The following GPC5 variants were observed in gnomAD, a reference collection of about 807,000 sequenced individuals.
The protein encoded by GPC5 is glypican-5.
In GPC5, 47 loss-of-function variants were observed where a neutral mutation model predicts 53.9. The ratio of observed to expected loss-of-function variants is 0.87; its 90% confidence interval spans 0.69 to 1.11. The LOEUF (loss-of-function observed/expected upper bound fraction) is 1.11, where lower values mean the gene tolerates loss of function less well. Among genes scored for constraint, GPC5 ranks in the 50% most tolerant of loss-of-function variants. The pLI is 0.00. For missense variants in GPC5, 748 were observed against 713.1 expected, an observed-to-expected ratio of 1.05 and a Z score of -0.56; for synonymous variants, 286 against 263.3, an observed-to-expected ratio of 1.09 and a Z score of -0.84.
At chr13:92,533,421 A>T (rs1881625406) in intron 7 of GPC5, among the ~76,000 whole-genome samples, 1 of 152,188 alleles carries the variant, frequency 6.6e-6, no homozygotes, top group South Asian at 2.1e-4. Context: ...ATTTCTTTAT[A>T]ATGGGAATAT....
chr13:91,903,490 G>A (rs2039520342), intron 5 of GPC5, among the ~76,000 whole-genome samples: 1 of 152,104 alleles, frequency 6.6e-6, no homozygotes, highest in Non-Finnish European at 1.5e-5. Context: ...GAGAGTTCCA[G>A]TTGCTCCACA....
intron 6 of GPC5, among the ~76,000 whole-genome samples, chr13:92,087,880 A>G (rs1402816823): frequency 1.4e-4 from 21 of 151,972 alleles, no homozygotes; most frequent in Non-Finnish European, 2.6e-4. Context: ...CCAGTGGGCC[A>G]TTTTATCTTC....
chr13:91,682,665 A>G (rs1010429810), intron 2 of GPC5, among the ~76,000 whole-genome samples: 1 of 152,228 alleles, frequency 6.6e-6, no homozygotes. Flanking sequence ...CAGGAAAGGC[A>G]GGAGGGTACA....
intron 6 of GPC5, among the ~76,000 whole-genome samples, chr13:91,974,526 C>T (rs891067799): frequency 1.6e-4 from 24 of 151,854 alleles, no homozygotes; most frequent in African/African-American, 5.6e-4. Context: ...ACAATTGCTT[C>T]AAAGAGAATA....
At chr13:92,487,524 CCTT>C (rs1247596017) in intron 7 of GPC5, among the ~76,000 whole-genome samples, 3 of 152,072 alleles carry the variant, frequency 2.0e-5, no homozygotes, top group Admixed American at 6.6e-5. Flanking sequence ...CAGATTGACT[CCTT>C]CTCCTACAAA....
chr13:91,602,472 A>C (rs186713152), intron 2 of GPC5, among the ~76,000 whole-genome samples: 18 of 152,340 alleles, frequency 1.2e-4, no homozygotes, highest in Admixed American at 1.0e-3. Flanking sequence ...TTGTACACCC[A>C]GATATTTATT....
At chr13:92,200,974 GACACACACAC>G (rs66619017) in intron 7 of GPC5, among the ~76,000 whole-genome samples, 80,788 of 146,844 alleles carry the variant, frequency 0.55, 21,867 homozygotes, top group Middle Eastern at 0.67. Flanking sequence ...CAGGCACTCA[GACACACACAC>G]ACACACACAC....
rs148474240 is a variant in GPC5, at chr13:91,407,715, C to T, written c.163+8506C>T. Among the ~76,000 whole-genome samples, 18 of 152,228 alleles carry T rather than the reference C, an allele frequency of 1.2e-4. No individual in the cohort carries two copies. The East Asian group carries it at 3.5e-3, about 29-fold the overall frequency. On this transcript the variant is annotated intron_variant, in intron 1 of 7. Coordinates refer to ENST00000377067, the MANE Select transcript of GPC5 (RefSeq NM_004466.6). ...TCTGTGGAACTATTCCTGAGCTGATCATTGTTTGTTAAAGGACACTGACTT... is the reference window on the plus strand; with the variant it reads ...TCTGTGGAACTATTCCTGAGCTGATTATTGTTTGTTAAAGGACACTGACTT...
chr13:92,548,198 G>T (rs1413988055), intron 7 of GPC5, among the ~76,000 whole-genome samples: 1 of 151,782 alleles, frequency 6.6e-6, no homozygotes, highest in Non-Finnish European at 1.5e-5. Context: ...AAACTTCTAT[G>T]TTCAGGCAAA....
intron 2 of GPC5, among the ~76,000 whole-genome samples, chr13:91,566,997 A>C (rs1383920380): frequency 6.6e-6 from 1 of 151,654 alleles, no homozygotes; most frequent in African/African-American, 2.4e-5. Context: ...GGGAAAGAAA[A>C]GGCAAATGCA....
At chr13:92,250,113 G>A (rs1929184) in intron 7 of GPC5, among the ~76,000 whole-genome samples, 82,418 of 151,728 alleles carry the variant, frequency 0.54, 22,814 homozygotes, top group South Asian at 0.65. Flanking sequence ...TTGTGGTACA[G>A]CTCCATAAAC....
At chr13:91,778,146 G>C (rs1165104904) in intron 5 of GPC5, among the ~76,000 whole-genome samples, 1 of 152,094 alleles carries the variant, frequency 6.6e-6, no homozygotes, top group Admixed American at 6.5e-5. Flanking sequence ...ATTCTTAAAA[G>C]AAGAAAATGT....
At chr13:91,731,238 C>T (rs1057097942) in intron 4 of GPC5, among the ~76,000 whole-genome samples, 5 of 152,210 alleles carry the variant, frequency 3.3e-5, no homozygotes, top group African/African-American at 1.2e-4. Context: ...TATAAAGGAA[C>T]ATCTGTAATT....
At chr13:91,566,767 G>T (rs868538551) in intron 2 of GPC5, among the ~76,000 whole-genome samples, 1 of 152,056 alleles carries the variant, frequency 6.6e-6, no homozygotes, top group Admixed American at 6.6e-5. Context: ...AAAAGGAAAA[G>T]CACATCATAT....
At chr13:92,838,910 A>T (rs1878321133) in intron 7 of GPC5, among the ~76,000 whole-genome samples, 1 of 152,222 alleles carries the variant, frequency 6.6e-6, no homozygotes, top group Non-Finnish European at 1.5e-5. Context: ...AGCTGCCATG[A>T]AGCTTATACT....
At chr13:91,513,655 C>G (rs1885349619) in intron 2 of GPC5, among the ~76,000 whole-genome samples, 1 of 152,080 alleles carries the variant, frequency 6.6e-6, no homozygotes, top group Non-Finnish European at 1.5e-5. Flanking sequence ...GCAGGAGAAT[C>G]ACTTGAACCC....
intron 6 of GPC5, among the ~76,000 whole-genome samples, chr13:92,029,615 T>C (rs192429000): frequency 1.3e-5 from 2 of 152,342 alleles, no homozygotes; most frequent in African/African-American, 4.8e-5. Context: ...CTTCTCCATT[T>C]GTTTCTCTAG....
At chr13:92,579,542 T>A (rs1402106767) in intron 7 of GPC5, among the ~76,000 whole-genome samples, 1 of 151,988 alleles carries the variant, frequency 6.6e-6, no homozygotes, top group African/African-American at 2.4e-5. Flanking sequence ...ATTTATTGGA[T>A]ATGGCGTATG....
intron 5 of GPC5, among the ~76,000 whole-genome samples, chr13:91,902,534 T>C (rs542117127): frequency 1.3e-5 from 2 of 151,980 alleles, no homozygotes; most frequent in African/African-American, 4.8e-5. Flanking sequence ...GTCTATTACT[T>C]CCCCAACAAA....
Sources: allele counts gnomAD v4.1 joint callset (sites outside exome capture counted in the v4.1 genomes callset), GRCh38; gene constraint gnomAD v4.1.1; transcripts MANE v1.5; gene names NCBI Gene and HGNC (gene_info 2026-07-23, HGNC 2026-07-21).